The following ADGRV1 variants were observed in gnomAD, a reference collection of about 807,000 sequenced individuals.
ADGRV1 encodes adhesion G protein-coupled receptor V1.
A neutral mutation model predicts 596.2 loss-of-function variants in ADGRV1; 359 were observed. That is an observed-to-expected ratio of 0.60 (90% CI 0.55 to 0.66). ADGRV1 has a LOEUF of 0.66. ADGRV1 is among the 30% of genes least tolerant of loss of function. ADGRV1 has a pLI of 0.00. For missense variants in ADGRV1, 7,274 were observed against 7,575.6 expected, an observed-to-expected ratio of 0.96 and a Z score of 1.48; for synonymous variants, 2,681 against 2,679.2, an observed-to-expected ratio of 1.00 and a Z score of -0.02.
At chr5:90,975,427 A>G (rs998846704) in intron 84 of ADGRV1, among the ~76,000 whole-genome samples, 1 of 152,332 alleles carries the variant, frequency 6.6e-6, no homozygotes, top group Non-Finnish European at 1.5e-5. Flanking sequence ...CACTATTCAC[A>G]ATAGCAAAGA....
rs184702212 is a variant in ADGRV1, at chr5:90,813,026, G to A, written c.16078+1688G>A. Among the ~76,000 whole-genome samples, 280 of 149,340 alleles carry A rather than the reference G, an allele frequency of 1.9e-3. 2 individuals are homozygous for A. Among genetic ancestry groups the A allele is most frequent in the African/African-American group, 6.2e-3 (253 of 40,558 alleles). ...CAGGCACCTGTCGTCCCAGCTACTC[G>A]GGAGGCTGAGGCAGGAGAATGGCGT... On this transcript the variant is annotated intron_variant, in intron 74 of 89. Coordinates refer to ENST00000405460, the MANE Select transcript of ADGRV1 (RefSeq NM_032119.4).
chr5:90,689,990 A>G lies in ADGRV1; in HGVS notation c.6620A>G (p.Asn2207Ser), dbSNP rs574127323. Reference sequence around the variant, plus strand: ...GAATCTTTTCTTGTGCAACTGATGAATGAAACAACAGGAGGAGCCAGACTA... The same window carrying G: ...GAATCTTTTCTTGTGCAACTGATGAGTGAAACAACAGGAGGAGCCAGACTA... Reference protein sequence around the residue: ...LEESFLVQLMNETTGGARLGA... With the variant: ...LEESFLVQLMSETTGGARLGA... Residue 2207 changes from asparagine (N) to serine (S), a missense_variant, in exon 30 of 90, where the codon AAT becomes AGT. Physicochemically the swap from Asn to Ser is conservative, Grantham distance 46. Around this residue, in one of 5 missense-constraint regions of ADGRV1, gnomAD observed 3,643 missense variants for 3,809.2 expected, o/e 0.96. Transcript: ENST00000405460. The G allele has an allele frequency of 3.1e-6, 5 of 1,607,976 alleles. No individual in the cohort carries two copies. In the South Asian group the frequency reaches 5.6e-5, roughly 18 times the overall value.
intron 85 of ADGRV1, among the ~76,000 whole-genome samples, chr5:91,027,928 G>A (rs1158668416): frequency 6.6e-6 from 1 of 151,826 alleles, no homozygotes; most frequent in Non-Finnish European, 1.5e-5. Flanking sequence ...ACTTTCTTTT[G>A]TTGCTAAGGG....
intron 64 of ADGRV1, chr5:90,779,578 A>T (rs1234685817): frequency 1.3e-5 from 2 of 152,338 alleles, no homozygotes. Flanking sequence ...GTGGGGAAAA[A>T]TTTGAGTGAA....
chr5:90,789,244 A>G (rs955723385), intron 68 of ADGRV1, among the ~76,000 whole-genome samples: 2 of 152,168 alleles, frequency 1.3e-5, no homozygotes, highest in African/African-American at 4.8e-5. Context: ...ATACCTTCAC[A>G]GTGACATCTA....
intron 7 of ADGRV1, among the ~76,000 whole-genome samples, chr5:90,628,220 C>CAAAATAAAATAAAATAAAATAAAAT (rs70999498): frequency 0.024 from 3,075 of 129,512 alleles, 218 homozygotes; most frequent in African/African-American, 0.095. Flanking sequence ...ACCCCGCCCA[C>CAAAATAAAATAAAATAAAATAAAAT]AAAATAAAAT....
intron 85 of ADGRV1, among the ~76,000 whole-genome samples, chr5:90,991,981 G>A (rs1781004098): frequency 6.6e-6 from 1 of 152,240 alleles, no homozygotes; most frequent in South Asian, 2.1e-4. Flanking sequence ...TCATGCATTT[G>A]CTCAGGTAGG....
intron 33 of ADGRV1, among the ~76,000 whole-genome samples, chr5:90,695,989 G>A (rs1350167066): frequency 6.6e-6 from 1 of 152,054 alleles, no homozygotes; most frequent in Non-Finnish European, 1.5e-5. Context: ...TATAACCTTA[G>A]CATCACACAA....
chr5:90,807,578 T>C (rs1762023573), intron 72 of ADGRV1, 24 bp from the exon 73 acceptor site: 2 of 1,600,586 alleles, frequency 1.2e-6, no homozygotes, highest in African/African-American at 2.7e-5. Context: ...ATACCCTACT[T>C]TGCTTTTTCA....
chr5:90,735,090 C>A (rs182107124), intron 50 of ADGRV1, among the ~76,000 whole-genome samples: 184 of 152,270 alleles, frequency 1.2e-3, no homozygotes, highest in African/African-American at 3.9e-3. Context: ...TGGAGTCAAT[C>A]AAAAAATCCT....
At chr5:90,996,496 C>T (rs926875199) in intron 85 of ADGRV1, among the ~76,000 whole-genome samples, 2 of 152,192 alleles carry the variant, frequency 1.3e-5, no homozygotes, top group Admixed American at 1.3e-4. Context: ...TATGGAAATG[C>T]CTGGATGTCC....
In ADGRV1 at chr5:90,801,015, C is replaced by T. The variant is rs190117822; in HGVS notation, c.14518-1724C>T. On this transcript the variant is annotated intron_variant, in intron 70 of 89. Transcript: ENST00000405460. ...AGCAAACCACCATGGCATATGTATA[C>T]CTATGTAACAAAACTGCATATTCTG... is the stretch of plus-strand genomic sequence containing the variant. Among the ~76,000 whole-genome samples, 14 of 152,058 alleles carry T rather than the reference C, an allele frequency of 9.2e-5. No individual in the cohort carries two copies. In the East Asian group the frequency reaches 2.5e-3, roughly 27 times the overall value.
chr5:90,908,538 A>C (rs1248752428), intron 83 of ADGRV1, among the ~76,000 whole-genome samples: 1 of 152,204 alleles, frequency 6.6e-6, no homozygotes, highest in Non-Finnish European at 1.5e-5. Flanking sequence ...CATATTTCAC[A>C]TATGTGAAGA....
chr5:90,968,135 T>C (rs1247649828), intron 84 of ADGRV1, among the ~76,000 whole-genome samples: 4 of 152,182 alleles, frequency 2.6e-5, no homozygotes. Context: ...GAAGGGCTAC[T>C]GCAGGAAAGG....
chr5:90,752,707 T>G (rs376845018), intron 53 of ADGRV1, among the ~76,000 whole-genome samples: 2 of 152,186 alleles, frequency 1.3e-5, no homozygotes, highest in East Asian at 1.9e-4. Flanking sequence ...GGGTATATAC[T>G]GAAAGTTATA....
chr5:91,164,390 G>A lies in ADGRV1; in HGVS notation c.*490G>A. 1 of 224,260 alleles carries A rather than the reference G, an allele frequency of 4.5e-6. No homozygotes were observed. The highest frequency in any genetic ancestry group is 1.1e-4 in the East Asian group (1 of 9,464). The allele number at this position is 224,260 out of a possible 1,614,324, so 13.9% of individuals were successfully genotyped here. On this transcript the variant is annotated 3_prime_UTR_variant, in exon 90 of 90. Transcript: ENST00000405460. ...CTTTAATTCTGAAAACTGTAAAATGGTCTGTCTGTTGATGATCCTGCACAT... is the reference window on the plus strand; with the variant it reads ...CTTTAATTCTGAAAACTGTAAAATGATCTGTCTGTTGATGATCCTGCACAT...
intron 59 of ADGRV1, among the ~76,000 whole-genome samples, chr5:90,765,869 G>T (rs1023071052): frequency 3.5e-5 from 5 of 141,504 alleles, no homozygotes; most frequent in Non-Finnish European, 7.8e-5. Flanking sequence ...ATGCCTGGCT[G>T]TTTTTTTTTT....
At chr5:90,934,627 T>C (rs1264161746) in intron 83 of ADGRV1, among the ~76,000 whole-genome samples, 1 of 152,216 alleles carries the variant, frequency 6.6e-6, no homozygotes, top group Non-Finnish European at 1.5e-5. Context: ...TTTCAATTGT[T>C]GGGTCCTTGA....
At chr5:90,973,808 C>G (rs1339806290) in intron 84 of ADGRV1, among the ~76,000 whole-genome samples, 7 of 152,140 alleles carry the variant, frequency 4.6e-5, no homozygotes, top group Non-Finnish European at 1.0e-4. Flanking sequence ...GGGATGCCCT[C>G]TCTCACCACT....
Sources: gnomAD v4.1 joint callset for allele counts (sites outside exome capture counted in the v4.1 genomes callset) on GRCh38, gnomAD v4.1.1 for gene constraint, gnomAD v4.1.1 regional missense constraint, MANE v1.5 for transcripts, NCBI Gene and HGNC (gene_info 2026-07-23, HGNC 2026-07-21) for gene names.